Variants in ALOXE3 observed in about 807,000 individuals in gnomAD.
ALOXE3 encodes hydroperoxide isomerase ALOXE3.
A neutral mutation model predicts 87.5 loss-of-function variants in ALOXE3; 78 were observed. That is an observed-to-expected ratio of 0.89 (90% CI 0.74 to 1.08). The LOEUF (loss-of-function observed/expected upper bound fraction) is 1.08. Ranked by LOEUF, ALOXE3 falls within the 50% of genes least tolerant of loss-of-function variation. The probability of loss-of-function intolerance (pLI) is 0.00; values close to 1 mark genes in which losing one functional copy is unlikely to be tolerated. For missense variants in ALOXE3, 946 were observed against 912.4 expected (o/e 1.04, Z -0.47); for synonymous variants, 363 against 370.8 (o/e 0.98, Z 0.24).
chr17:8,110,793 C>G (rs1193389210), intron 8 of ALOXE3, among the ~76,000 whole-genome samples: 1 of 152,218 alleles, frequency 6.6e-6, no homozygotes, highest in Non-Finnish European at 1.5e-5. Flanking sequence ...ATACCTAGTC[C>G]TTCCCACTCT....
chr17:8,109,795 G>A (rs1341526849), intron 11 of ALOXE3, 121 bp downstream of exon 11: 4 of 991,596 alleles, frequency 4.0e-6, no homozygotes, highest in Non-Finnish European at 6.0e-6. Flanking sequence ...TGATTGTACA[G>A]GTGTTCTCAC....
At chr17:8,106,508 T>C (rs1447826771) in intron 13 of ALOXE3, among the ~76,000 whole-genome samples, 1 of 151,962 alleles carries the variant, frequency 6.6e-6, no homozygotes, top group Admixed American at 6.6e-5. Context: ...AGCAAGACCC[T>C]GTCTCAAAAA....
At chr17:8,103,649 A>G (rs184040316) in intron 14 of ALOXE3, 156 bp from the exon 15 acceptor site, 59 of 868,996 alleles carry the variant, frequency 6.8e-5, no homozygotes, top group Admixed American at 4.9e-4. Flanking sequence ...TGAGGGGATC[A>G]TGGAAAGGCA....
chr17:8,116,850 T>C lies in ALOXE3; in HGVS notation c.278A>G (p.Asp93Gly), dbSNP rs1980635351. 1 of 1,614,206 alleles carries C rather than the reference T, an allele frequency of 6.2e-7. No individual in the cohort carries two copies. Among genetic ancestry groups the C allele is most frequent in the Non-Finnish European group, 8.5e-7 (1 of 1,180,036 alleles). Residue 93 changes from aspartate to glycine, a missense_variant, in exon 3 of 16, where the codon GAT becomes GGT. Asp to Gly is a moderately conservative substitution (Grantham distance 94). Coordinates refer to ENST00000448843, the MANE Select transcript of ALOXE3 (RefSeq NM_021628.3). ...GCAGGGGAAGTGGGATACACTACCATCCGGTTCGGTGACACAGATGCGGCT... is the reference window on the plus strand; with the variant it reads ...GCAGGGGAAGTGGGATACACTACCACCCGGTTCGGTGACACAGATGCGGCT... ...YCSRICVTEP[D>G]GSVSHFPCYQ...
At chr17:8,106,820 T>A (rs1271029520) in intron 13 of ALOXE3, among the ~76,000 whole-genome samples, 1 of 152,212 alleles carries the variant, frequency 6.6e-6, no homozygotes, top group African/African-American at 2.4e-5. Flanking sequence ...AGGTTTGTAC[T>A]CATTGAAAGA....
chr17:8,114,447 A>C, intron 6 of ALOXE3, 37 bp downstream of exon 6: 1 of 1,613,736 alleles, frequency 6.2e-7, no homozygotes, highest in South Asian at 1.1e-5. Flanking sequence ...GGATGGGCAG[A>C]GATGTAAGAT....
intron 5 of ALOXE3, 92 bp from the exon 6 acceptor site, chr17:8,114,701 C>A: frequency 6.3e-7 from 1 of 1,579,682 alleles, no homozygotes. Context: ...CCTTCCAAGT[C>A]CCTGGGTCTC....
rs1398479670 is a variant in ALOXE3 at position 8,114,143 on chromosome 17, GCACT to G, written c.680+337_680+340del. 5.9e-5 allele frequency among the ~76,000 whole-genome samples: 9 copies of G among 152,000 alleles called. No individual in the cohort carries two copies. In the East Asian group the frequency reaches 1.3e-3, roughly 23 times the overall value. On this transcript the variant is annotated intron_variant, in intron 6 of 15. Transcript: ENST00000448843. The stretch of plus-strand genomic sequence containing the variant: ...GGAACGATGTCACCTGGGCTCCTAA[GCACT>G]CACTCACTCACTGCACACACACTCG...
chr17:8,112,628 G>A (rs1312187622), intron 6 of ALOXE3, among the ~76,000 whole-genome samples: 1 of 152,070 alleles, frequency 6.6e-6, no homozygotes, highest in Non-Finnish European at 1.5e-5. Flanking sequence ...TCCCACCCTA[G>A]GCATTAGACA....
chr17:8,113,851 A>G (rs1980320839), intron 6 of ALOXE3, among the ~76,000 whole-genome samples: 1 of 150,626 alleles, frequency 6.6e-6, no homozygotes, highest in South Asian at 2.1e-4. Flanking sequence ...ACATGAAGAA[A>G]CCCCATCTCT....
chr17:8,110,200 C>T lies in ALOXE3; in HGVS notation c.1197G>A (p.Glu399=), dbSNP rs764754976. 14 of 1,614,024 alleles carry T rather than the reference C, an allele frequency of 8.7e-6. No homozygotes were observed. In the East Asian group the frequency reaches 3.1e-4, roughly 36 times the overall value. ...GCGTGTTGTTTTCGTGCACCAGGAA[C>T]TCAGAGTTGCGCACCCACGTCTTGG... ...LLAKTWVRNS[E]FLVHENNTHF... The change falls in exon 10 of 16, where the codon GAG becomes GAA. Residue 399 remains glutamate, a synonymous_variant. Coordinates refer to ENST00000448843, the MANE Select transcript of ALOXE3 (RefSeq NM_021628.3).
At chr17:8,107,949 GAAA>G (rs1979570515) in intron 13 of ALOXE3, among the ~76,000 whole-genome samples, 1 of 3,908 alleles carries the variant, frequency 2.6e-4, no homozygotes, top group Non-Finnish European at 7.2e-4. Flanking sequence ...AAGAAAGAAA[GAAA>G]GAAAGAAAGG....
In ALOXE3 at chr17:8,118,089, G is replaced by C. The variant is rs112227180; in HGVS notation, c.-99C>G. The C allele has an allele frequency of 0.029, 45,687 of 1,560,058 alleles. 780 individuals are homozygous for C. Among genetic ancestry groups the C allele is most frequent in the Non-Finnish European group, 0.033 (37,508 of 1,153,004 alleles). On this transcript the variant is annotated 5_prime_UTR_variant, in exon 2 of 16. Transcript: ENST00000448843. ...GCCGGACAGGGCTGGGTTTCTGGGCGGAGGGCTAGGGGCTGCGGGGCTGGG... is the reference window on the plus strand; with the variant it reads ...GCCGGACAGGGCTGGGTTTCTGGGCCGAGGGCTAGGGGCTGCGGGGCTGGG...
chr17:8,109,365 G>T (rs1276895739), intron 11 of ALOXE3, 22 bp from the exon 12 acceptor site: 1 of 1,611,494 alleles, frequency 6.2e-7, no homozygotes, highest in Admixed American at 1.7e-5. Context: ...GCACAGCTCG[G>T]CTCCCGGGCC....
Position 8,108,604 on chromosome 17 carries a change from T to C in ALOXE3, c.1563-15A>G. The C allele has an allele frequency of 6.2e-7, 1 of 1,608,438 alleles. No individual in the cohort carries two copies. Among genetic ancestry groups the C allele is most frequent in the Non-Finnish European group, 8.5e-7 (1 of 1,176,586 alleles). ...CTGAGACAAAGCTGCAGGAAAGAGATGCTGGTACCACTGGAGTAACCACGG... is the reference window on the plus strand; with the variant it reads ...CTGAGACAAAGCTGCAGGAAAGAGACGCTGGTACCACTGGAGTAACCACGG... On this transcript the variant is annotated splice_polypyrimidine_tract_variant and intron_variant, in intron 12 of 15. Transcript: ENST00000448843.
chr17:8,107,923 A>G lies in ALOXE3; in HGVS notation c.1684+545T>C, dbSNP rs1419221063. 4.1e-3 allele frequency among the ~76,000 whole-genome samples: 28 copies of G among 6,850 alleles called. 6 individuals are homozygous for G. Among genetic ancestry groups the G allele is most frequent in the Admixed American group, 0.029 (24 of 826 alleles). The allele number at this position is 6,850 out of a possible 152,430, so 4.5% of individuals were successfully genotyped here. ...AAAGAAAGAAAGAAAGAAAGAAAGA[A>G]AGAAAGAAAGAAAGAAAGAAAGAAA... is the stretch of plus-strand genomic sequence containing the variant. On this transcript the variant is annotated intron_variant, in intron 13 of 15. Transcript: ENST00000448843.
rs936679646 is a variant in ALOXE3 at position 8,104,123 on chromosome 17, T to G, written c.1777A>C (p.Ser593Arg). ...NCSAQHAAVN[S>R]GQHDFGAWMP... ...GCCCTTTGTAGCCTCACCTGCCCAC[T>G]GTTGACAGCAGCGTGCTGGGCAGAG... The change falls in exon 14 of 16, where the codon AGT (serine) becomes CGT (arginine). Residue 593 changes from serine to arginine, a missense_variant. Ser to Arg is a moderately radical substitution (Grantham distance 110). Transcript: ENST00000448843. The G allele has an allele frequency of 3.1e-6, 5 of 1,613,342 alleles. No individual in the cohort carries two copies. Among genetic ancestry groups the G allele is most frequent in the Admixed American group, 1.7e-5 (1 of 59,970 alleles).
At position 8,099,174 on chromosome 17, in the gene ALOXE3, G is replaced by A. The variant is rs78881190; in HGVS notation, c.1957-2368C>T. On this transcript the variant is annotated intron_variant, in intron 15 of 15. Coordinates refer to ENST00000448843, the MANE Select transcript of ALOXE3 (RefSeq NM_021628.3). ...CACCCGGCCTTATAATTTCATTTTC[G>A]TAATAACAGCTAACACGTAAGCACT... 0.013 allele frequency among the ~76,000 whole-genome samples: 1,990 copies of A among 151,924 alleles called. 83 individuals are homozygous for A. In the East Asian group the frequency reaches 0.16, roughly 12 times the overall value.
intron 13 of ALOXE3, among the ~76,000 whole-genome samples, chr17:8,105,791 T>C (rs760288280): frequency 9.2e-5 from 14 of 151,710 alleles, no homozygotes; most frequent in Non-Finnish European, 2.1e-4. Context: ...GGTGCATGCC[T>C]GTAGTCCCAG....
Sources: gnomAD v4.1 joint callset for allele counts (sites outside exome capture counted in the v4.1 genomes callset) on GRCh38, gnomAD v4.1.1 for gene constraint, MANE v1.5 for transcripts, NCBI Gene and HGNC (gene_info 2026-07-23, HGNC 2026-07-21) for gene names.